Variants in PRSS23 observed in about 807,000 individuals in gnomAD.
PRSS23 encodes the protein serine protease 23.
A neutral mutation model predicts 34.7 loss-of-function variants in PRSS23; 25 were observed. That is an observed-to-expected ratio of 0.72 (90% CI 0.53 to 1.01). The LOEUF (loss-of-function observed/expected upper bound fraction) is 1.01, where lower values mean the gene tolerates loss of function less well. PRSS23 is among the 50% of genes least tolerant of loss of function. The pLI, the probability that PRSS23 is intolerant of heterozygous loss-of-function variation, is 0.00. For missense variants in PRSS23, 445 were observed against 475.6 expected (o/e 0.94, Z 0.60); for synonymous variants, 176 against 186.6 (o/e 0.94, Z 0.46).
At chr11:86,876,729 C>G (rs1274293850) in intron 2 of PRSS23, among the ~76,000 whole-genome samples, 1 of 78,058 alleles carries the variant, frequency 1.3e-5, no homozygotes, top group Non-Finnish European at 2.3e-5. Flanking sequence ...GTTAACATTG[C>G]AATAAAAAAA....
rs1233196029 is a variant in PRSS23, at chr11:86,843,673, C to G, written c.206+20080C>G. On this transcript the variant is annotated intron_variant, in intron 2 of 2. Transcript: ENST00000533902. Reference sequence around the variant, plus strand: ...AACAGACATATGAAAAAAAGCTCATCATCACTTGTCATCAGAGAAATGCAA... The same window carrying G: ...AACAGACATATGAAAAAAAGCTCATGATCACTTGTCATCAGAGAAATGCAA... Among the ~76,000 whole-genome samples the G allele has an allele frequency of 2.0e-5, 3 of 152,216 alleles. No homozygotes were observed. The East Asian group carries it at 5.8e-4, about 29-fold the overall frequency.
chr11:86,814,152 G>A (rs1430815040), downstream of PRSS23, among the ~76,000 whole-genome samples: 5 of 152,106 alleles, frequency 3.3e-5, no homozygotes, highest in East Asian at 3.8e-4. Flanking sequence ...ACTGTCTAGC[G>A]GACACCCAAA....
At chr11:86,908,540 AG>A (rs1948957996) in intron 2 of PRSS23, among the ~76,000 whole-genome samples, 1 of 152,146 alleles carries the variant, frequency 6.6e-6, no homozygotes, top group South Asian at 2.1e-4. Flanking sequence ...GCCACTTCCT[AG>A]GACTCACTGG....
Position 86,907,702 on chromosome 11 carries a change from C to T in PRSS23, c.207-43514C>T, listed in dbSNP as rs180912903. 4.0e-3 allele frequency among the ~76,000 whole-genome samples: 602 copies of T among 152,244 alleles called. 3 individuals are homozygous for T. Among genetic ancestry groups the T allele is most frequent in the Middle Eastern group, 0.01 (3 of 294 alleles). The stretch of plus-strand genomic sequence containing the variant: ...CTCAAGCTCTTGGGCTGAAGTGATC[C>T]GCCTGCCTTAACCTCCCAAAATGCT... On this transcript the variant is annotated intron_variant, in intron 2 of 2. Coordinates refer to the PRSS23 transcript ENST00000533902.
chr11:86,926,835 G>T (rs1224490826), intron 2 of PRSS23, among the ~76,000 whole-genome samples: 4 of 152,154 alleles, frequency 2.6e-5, no homozygotes, highest in African/African-American at 7.2e-5. Flanking sequence ...TCTATGAAAA[G>T]TCTGTCTCAT....
At chr11:86,942,210 CG>C (rs1352796556) in intron 2 of PRSS23, among the ~76,000 whole-genome samples, 3 of 152,268 alleles carry the variant, frequency 2.0e-5, no homozygotes, top group African/African-American at 7.2e-5. Context: ...GCAGGAGGAT[CG>C]GGGATGTCTT....
At chr11:86,945,032 C>T (rs1949231237) in intron 2 of PRSS23, among the ~76,000 whole-genome samples, 1 of 152,166 alleles carries the variant, frequency 6.6e-6, no homozygotes, top group African/African-American at 2.4e-5. Context: ...TATAATATTA[C>T]TGACTCCCAT....
At chr11:86,878,983 T>C (rs1369307600) in intron 2 of PRSS23, among the ~76,000 whole-genome samples, 6 of 75,048 alleles carry the variant, frequency 8.0e-5, no homozygotes, top group African/African-American at 1.6e-4. Flanking sequence ...GTGAGGAGCG[T>C]CTCTGCCCGG....
chr11:86,849,582 A>T (rs1292431434), intron 2 of PRSS23, among the ~76,000 whole-genome samples: 1 of 152,324 alleles, frequency 6.6e-6, no homozygotes, highest in Non-Finnish European at 1.5e-5. Context: ...GAATTACAGG[A>T]TATTGTTAGA....
At chr11:86,831,806 C>A (rs1056368394) in intron 2 of PRSS23, among the ~76,000 whole-genome samples, 2 of 151,912 alleles carry the variant, frequency 1.3e-5, no homozygotes. Flanking sequence ...CTCCTAGTGT[C>A]GCAGCGGGTA....
intron 2 of PRSS23, among the ~76,000 whole-genome samples, chr11:86,919,809 T>C (rs1286019675): frequency 2.6e-5 from 4 of 152,194 alleles, no homozygotes; most frequent in South Asian, 2.1e-4. Context: ...TCTTTGTTTT[T>C]TCTAGCCCAA....
At chr11:86,828,489 T>G (rs925855630) in intron 2 of PRSS23, among the ~76,000 whole-genome samples, 2 of 152,168 alleles carry the variant, frequency 1.3e-5, no homozygotes, top group African/African-American at 4.8e-5. Flanking sequence ...ATTTAGTCCA[T>G]TTACATTTAA....
At chr11:86,895,508 G>T (rs1361885283) in intron 2 of PRSS23, among the ~76,000 whole-genome samples, 28 of 133,346 alleles carry the variant, frequency 2.1e-4, no homozygotes, top group African/African-American at 7.9e-4. Context: ...TTGAGATAGG[G>T]TCTCACTCTT....
intron 2 of PRSS23, among the ~76,000 whole-genome samples, chr11:86,855,172 A>G (rs1435792030): frequency 8.7e-6 from 1 of 115,206 alleles, no homozygotes; most frequent in African/African-American, 3.8e-5. Flanking sequence ...ACCTCAATTA[A>G]AAAAAAAAAA....
chr11:86,838,697 C>T (rs1334835714), intron 2 of PRSS23, among the ~76,000 whole-genome samples: 1 of 152,128 alleles, frequency 6.6e-6, no homozygotes, highest in Non-Finnish European at 1.5e-5. Context: ...CCTGTGTAGC[C>T]TGACTGGGAG....
At chr11:86,878,390 G>T (rs1340931253) in intron 2 of PRSS23, among the ~76,000 whole-genome samples, 1 of 152,072 alleles carries the variant, frequency 6.6e-6, no homozygotes. Flanking sequence ...AGCCTGCCAA[G>T]TGCCTGCGAT....
chr11:86,902,601 C>T (rs1242330443), intron 2 of PRSS23, among the ~76,000 whole-genome samples: 1 of 152,176 alleles, frequency 6.6e-6, no homozygotes, highest in Non-Finnish European at 1.5e-5. Flanking sequence ...AGCTATCAAA[C>T]TACTTCCAGA....
chr11:86,846,715 C>T lies in PRSS23; in HGVS notation c.206+23122C>T, dbSNP rs553997117. Among the ~76,000 whole-genome samples, 5 of 152,284 alleles carry T rather than the reference C, an allele frequency of 3.3e-5. No individual in the cohort carries two copies. In the South Asian group the frequency reaches 1.0e-3, roughly 32 times the overall value. On this transcript the variant is annotated intron_variant, in intron 2 of 2. Coordinates refer to the PRSS23 transcript ENST00000533902. ...CCTCATCTTGTAAGCAAGGTTATTC[C>T]CACTAGACAGGATCAAGATTCCCTA...
chr11:86,815,456 G>A (rs115524576), downstream of PRSS23, among the ~76,000 whole-genome samples: 964 of 152,310 alleles, frequency 6.3e-3, 16 homozygotes, highest in African/African-American at 0.022. Flanking sequence ...CTGATTGAAC[G>A]AATGATCCCA....
Sources: gnomAD v4.1 joint callset for allele counts (sites outside exome capture counted in the v4.1 genomes callset) on GRCh38, gnomAD v4.1.1 for gene constraint, MANE v1.5 for transcripts, NCBI Gene and HGNC (gene_info 2026-07-23, HGNC 2026-07-21) for gene names.